Variants in OPCML observed in about 807,000 individuals in gnomAD.
OPCML encodes opioid-binding protein/cell adhesion molecule.
A neutral mutation model predicts 37.8 loss-of-function variants in OPCML; 13 were observed. The ratio of observed to expected loss-of-function variants is 0.34; its 90% CI spans 0.22 to 0.55. OPCML has a LOEUF of 0.55. Among genes scored for constraint, OPCML ranks in the 20% least tolerant of loss-of-function variants. The probability of loss-of-function intolerance (pLI) is 0.91; values close to 1 mark genes in which losing one functional copy is unlikely to be tolerated. For missense variants in OPCML, 341 were observed against 435.6 expected (o/e 0.78, Z 1.93); for synonymous variants, 176 against 168.8 (o/e 1.04, Z -0.33).
chr11:133,380,027 C>T (rs192484025), intron 1 of OPCML, among the ~76,000 whole-genome samples: 90 of 152,276 alleles, frequency 5.9e-4, no homozygotes, highest in Non-Finnish European at 1.0e-4. Context: ...ATTTACAAAT[C>T]ATGCCCCAGG....
intron 4 of OPCML, among the ~76,000 whole-genome samples, chr11:132,497,700 T>A (rs1940398): frequency 4.6e-5 from 7 of 151,904 alleles, no homozygotes; most frequent in African/African-American, 1.7e-4. Context: ...TGGTCTCAAG[T>A]GGACAGAGGG....
At chr11:132,508,694 T>A (rs2096262635) in intron 4 of OPCML, among the ~76,000 whole-genome samples, 1 of 152,236 alleles carries the variant, frequency 6.6e-6, no homozygotes, top group Admixed American at 6.5e-5. Flanking sequence ...TTTCCGCTTT[T>A]GCTTTTTCCT....
chr11:132,550,807 T>G (rs918411665), intron 3 of OPCML, among the ~76,000 whole-genome samples: 2 of 152,348 alleles, frequency 1.3e-5, no homozygotes, highest in South Asian at 4.1e-4. Context: ...AAAGAATATT[T>G]GTGAACTGGG....
chr11:132,527,393 G>A (rs886811589), intron 4 of OPCML, among the ~76,000 whole-genome samples: 1 of 152,014 alleles, frequency 6.6e-6, no homozygotes, highest in East Asian at 1.9e-4. Context: ...ACCAACACTC[G>A]ATATTATCAG....
intron 3 of OPCML, among the ~76,000 whole-genome samples, chr11:132,615,652 A>G (rs1366773859): frequency 6.6e-6 from 1 of 152,228 alleles, no homozygotes; most frequent in East Asian, 1.9e-4. Flanking sequence ...TGCAAGTGCT[A>G]TGCCATTTTA....
intron 1 of OPCML, among the ~76,000 whole-genome samples, chr11:133,228,650 C>T (rs1940144553): frequency 6.6e-6 from 1 of 152,250 alleles, no homozygotes; most frequent in Admixed American, 6.5e-5. Context: ...TTGGGCTGCC[C>T]CTCCTACTGC....
At chr11:133,191,971 C>T (rs79031594) in intron 1 of OPCML, among the ~76,000 whole-genome samples, 3,384 of 152,254 alleles carry the variant, frequency 0.022, 53 homozygotes, top group Non-Finnish European at 0.033. Flanking sequence ...TAAATAGAAA[C>T]ACTTGAACTG....
chr11:133,519,997 G>A (rs2120691688), intron 1 of OPCML, among the ~76,000 whole-genome samples: 1 of 152,256 alleles, frequency 6.6e-6, no homozygotes, highest in African/African-American at 2.4e-5. Flanking sequence ...CCCATACAAA[G>A]TGAGGCTCAG....
At chr11:132,760,915 A>G (rs1946238311) in intron 2 of OPCML, among the ~76,000 whole-genome samples, 1 of 151,954 alleles carries the variant, frequency 6.6e-6, no homozygotes, top group South Asian at 2.1e-4. Context: ...ATATTTTGGT[A>G]TGTTTGTGCA....
rs145987318 is a variant in OPCML, at chr11:133,523,104, A to T, written c.61+9160T>A. 9.9e-5 allele frequency among the ~76,000 whole-genome samples: 15 copies of T among 152,242 alleles called. No homozygotes were observed. The East Asian group carries it at 2.9e-3, about 29-fold the overall frequency. On this transcript the variant is annotated intron_variant, in intron 1 of 7. Transcript: ENST00000524381. ...GACAGAATCCAGAAGACAAAACACAACTAGGGCTTTTTGTAATATTTTTGA... is the reference window on the plus strand; with the variant it reads ...GACAGAATCCAGAAGACAAAACACATCTAGGGCTTTTTGTAATATTTTTGA...
At chr11:132,878,022 A>G (rs7108292) in intron 2 of OPCML, among the ~76,000 whole-genome samples, 7,521 of 152,256 alleles carry the variant, frequency 0.049, 580 homozygotes, top group African/African-American at 0.17. Flanking sequence ...CTCTACTAAA[A>G]ATACAACAAA....
At chr11:132,665,448 C>G (rs763870107) in intron 2 of OPCML, among the ~76,000 whole-genome samples, 1 of 152,044 alleles carries the variant, frequency 6.6e-6, no homozygotes, top group Non-Finnish European at 1.5e-5. Flanking sequence ...GACGGCAGCT[C>G]AGAACAGAGT....
chr11:133,346,342 C>T (rs2136681579), intron 1 of OPCML, among the ~76,000 whole-genome samples: 1 of 152,316 alleles, frequency 6.6e-6, no homozygotes, highest in Non-Finnish European at 1.5e-5. Flanking sequence ...AGCCAAATCC[C>T]TCCTGTCAAA....
At chr11:132,450,365 G>A (rs1349477933) in intron 4 of OPCML, among the ~76,000 whole-genome samples, 1 of 152,198 alleles carries the variant, frequency 6.6e-6, no homozygotes. Context: ...GAGCAGGCCT[G>A]GACTGCAGGA....
At chr11:133,162,976 T>A (rs774256945) in intron 1 of OPCML, among the ~76,000 whole-genome samples, 16 of 152,320 alleles carry the variant, frequency 1.1e-4, no homozygotes, top group Non-Finnish European at 2.1e-4. Context: ...TTACAGTGTA[T>A]GAAATGATAA....
At chr11:132,898,846 C>CA (rs1555204831) in intron 2 of OPCML, among the ~76,000 whole-genome samples, 5 of 151,800 alleles carry the variant, frequency 3.3e-5, no homozygotes, top group African/African-American at 1.2e-4. Flanking sequence ...CTGCCCCCCC[C>CA]ACCCCCGCAG....
chr11:133,109,446 G>T (rs1008111374), intron 1 of OPCML, among the ~76,000 whole-genome samples: 2 of 152,078 alleles, frequency 1.3e-5, no homozygotes, highest in Non-Finnish European at 2.9e-5. Context: ...CCTGCGATTG[G>T]CTACTTTTAG....
chr11:132,641,327 C>T (rs1940839204), intron 3 of OPCML, among the ~76,000 whole-genome samples: 1 of 152,196 alleles, frequency 6.6e-6, no homozygotes, highest in Non-Finnish European at 1.5e-5. Flanking sequence ...CGCACACCTC[C>T]ACCTCCTCTC....
intron 3 of OPCML, among the ~76,000 whole-genome samples, chr11:132,643,519 G>A (rs926355598): frequency 6.6e-6 from 1 of 152,144 alleles, no homozygotes; most frequent in African/African-American, 2.4e-5. Flanking sequence ...ACCAAGCCAC[G>A]GGCGAGGCTC....
Sources: gnomAD v4.1 joint callset for allele counts (sites outside exome capture counted in the v4.1 genomes callset) on GRCh38, gnomAD v4.1.1 for gene constraint, MANE v1.5 for transcripts, NCBI Gene and HGNC (gene_info 2026-07-23, HGNC 2026-07-21) for gene names.